Variants in OPRM1 observed in about 807,000 individuals in gnomAD.
The protein encoded by OPRM1 is opioid receptor mu 1.
Under a neutral mutation model 31.8 loss-of-function variants are expected in OPRM1, and 27 were observed. The ratio of observed to expected loss-of-function variants is 0.85; its 90% CI spans 0.63 to 1.17. The LOEUF is 1.17. OPRM1 is among the 50% of genes most tolerant of loss of function. OPRM1 has a pLI of 0.00. For synonymous variants in OPRM1, 196 were observed against 189.9 expected (o/e 1.03, Z -0.26); for missense variants, 536 against 511.1 (o/e 1.05, Z -0.47).
chr6:154,109,500 C>T (rs1056370838), intron 3 of OPRM1, among the ~76,000 whole-genome samples: 2 of 152,104 alleles, frequency 1.3e-5, no homozygotes, highest in Admixed American at 6.5e-5. Context: ...AGCATTTTGC[C>T]TACATGAAAA....
chr6:154,028,429 T>C (rs576768022), intron 1 of OPRM1, among the ~76,000 whole-genome samples: 2 of 152,314 alleles, frequency 1.3e-5, no homozygotes, highest in East Asian at 3.9e-4. Flanking sequence ...CTGTGAGCTG[T>C]GCAGCCTGGG....
chr6:154,113,736 C>T (rs775835299), intron 3 of OPRM1, among the ~76,000 whole-genome samples: 5 of 152,154 alleles, frequency 3.3e-5, no homozygotes, highest in Non-Finnish European at 7.3e-5. Flanking sequence ...CCACAGCACA[C>T]GGATGAGGAT....
chr6:154,169,543 C>G (rs566689600), intron 3 of OPRM1, among the ~76,000 whole-genome samples: 3 of 152,320 alleles, frequency 2.0e-5, no homozygotes, highest in South Asian at 4.1e-4. Flanking sequence ...AGTTTGAGAA[C>G]TACTGCCCTA....
intron 3 of OPRM1, among the ~76,000 whole-genome samples, chr6:154,148,961 C>A (rs576650898): frequency 6.6e-6 from 1 of 152,160 alleles, no homozygotes; most frequent in African/African-American, 2.4e-5. Context: ...AACAATGTGG[C>A]CCCTGTATAC....
chr6:154,060,722 C>T (rs1364825717), intron 1 of OPRM1, among the ~76,000 whole-genome samples: 1 of 152,066 alleles, frequency 6.6e-6, no homozygotes, highest in Non-Finnish European at 1.5e-5. Context: ...TGAGGTGACA[C>T]TAGCCATAAT....
At chr6:154,182,164 G>A (rs1800942197) in intron 3 of OPRM1, among the ~76,000 whole-genome samples, 1 of 152,166 alleles carries the variant, frequency 6.6e-6, no homozygotes, top group Admixed American at 6.5e-5. Context: ...GTTTTTACTT[G>A]TGCTCTCATG....
chr6:154,207,004 T>C (rs1046320697), intron 3 of OPRM1, among the ~76,000 whole-genome samples: 1 of 152,180 alleles, frequency 6.6e-6, no homozygotes, highest in African/African-American at 2.4e-5. Context: ...TGCAGGTGAA[T>C]CAATGTGATC....
At chr6:154,100,959 A>G (rs1386523218) in intron 3 of OPRM1, among the ~76,000 whole-genome samples, 3 of 149,338 alleles carry the variant, frequency 2.0e-5, no homozygotes, top group Non-Finnish European at 4.5e-5. Context: ...ATACACACAT[A>G]TATAAAATTC....
intron 3 of OPRM1, chr6:154,093,524 T>A: frequency 6.3e-7 from 1 of 1,582,044 alleles, no homozygotes; most frequent in East Asian, 2.2e-5. Context: ...GTATGGCTAT[T>A]GTACAGCCAG....
intron 3 of OPRM1, among the ~76,000 whole-genome samples, chr6:154,202,899 G>A (rs1483365470): frequency 6.6e-6 from 1 of 152,200 alleles, no homozygotes; most frequent in Non-Finnish European, 1.5e-5. Context: ...ACTTGGAGAA[G>A]AGGAAAAGGA....
At chr6:154,136,599 G>T (rs1187805241), downstream of OPRM1, among the ~76,000 whole-genome samples, 9 of 152,180 alleles carry the variant, frequency 5.9e-5, no homozygotes, top group East Asian at 1.5e-3. Context: ...CAGCCCCTCC[G>T]CTTGGTTCCT....
At chr6:154,043,042 A>G (rs769134945) in intron 1 of OPRM1, among the ~76,000 whole-genome samples, 13 of 152,164 alleles carry the variant, frequency 8.5e-5, no homozygotes, top group Non-Finnish European at 1.8e-4. Flanking sequence ...AAACTAATAT[A>G]ATCCCAGATG....
At chr6:154,164,715 G>T (rs1236095653) in intron 3 of OPRM1, among the ~76,000 whole-genome samples, 2 of 152,132 alleles carry the variant, frequency 1.3e-5, no homozygotes, top group African/African-American at 2.4e-5. Context: ...GGGAAGAAAG[G>T]GTTCACCGCT....
chr6:154,132,896 T>C (rs549337862), downstream of OPRM1, among the ~76,000 whole-genome samples: 39 of 152,010 alleles, frequency 2.6e-4, no homozygotes, highest in Non-Finnish European at 4.0e-4. Flanking sequence ...CTGAGGTGGG[T>C]GGATCACGAA....
chr6:154,235,566 G>T (rs971771337), intron 3 of OPRM1, among the ~76,000 whole-genome samples: 10 of 144,272 alleles, frequency 6.9e-5, no homozygotes, highest in African/African-American at 2.3e-4. Context: ...TGAAGACAAA[G>T]TTAAGTCTTT....
At chr6:154,141,603 G>T (rs557894197) in intron 3 of OPRM1, among the ~76,000 whole-genome samples, 32 of 152,330 alleles carry the variant, frequency 2.1e-4, no homozygotes, top group Non-Finnish European at 3.7e-4. Context: ...AGCACAGTTT[G>T]GTTTTATACA....
chr6:154,215,227 G>A (rs938973349), intron 3 of OPRM1, among the ~76,000 whole-genome samples: 9 of 152,130 alleles, frequency 5.9e-5, no homozygotes, highest in Non-Finnish European at 1.0e-4. Context: ...CTTCCCACCT[G>A]TATAACTGTC....
chr6:154,102,999 C>T (rs1454266729), intron 3 of OPRM1, among the ~76,000 whole-genome samples: 1 of 150,226 alleles, frequency 6.7e-6, no homozygotes, highest in Non-Finnish European at 1.5e-5. Flanking sequence ...TTACTTCAAG[C>T]TTCTTTTAGA....
chr6:154,193,649 A>G (rs569623495), intron 3 of OPRM1, among the ~76,000 whole-genome samples: 1 of 152,360 alleles, frequency 6.6e-6, no homozygotes, highest in South Asian at 2.1e-4. Flanking sequence ...TAAGAAAGAG[A>G]AGAAAAATTG....
Sources: gnomAD v4.1 joint callset for allele counts (sites outside exome capture counted in the v4.1 genomes callset) on GRCh38, gnomAD v4.1.1 for gene constraint, MANE v1.5 for transcripts, NCBI Gene and HGNC (gene_info 2026-07-23, HGNC 2026-07-21) for gene names.